Variants in RABGAP1L observed in about 807,000 individuals in gnomAD.
RABGAP1L encodes the protein RAB GTPase activating protein 1 like, also known as rab GTPase-activating protein 1-like.
A neutral mutation model predicts 137.7 loss-of-function variants in RABGAP1L; 63 were observed. The ratio of observed to expected loss-of-function variants is 0.46; its 90% CI spans 0.37 to 0.56. RABGAP1L has a LOEUF of 0.56. Ranked by LOEUF, RABGAP1L falls within the 20% of genes least tolerant of loss-of-function variation. The pLI is 0.00. For synonymous variants in RABGAP1L, 431 were observed against 433.7 expected, an observed-to-expected ratio of 0.99 and a Z score of 0.08; for missense variants, 1,095 against 1,244.0, an observed-to-expected ratio of 0.88 and a Z score of 1.80.
chr1:174,882,280 T>C (rs887331077), intron 19 of RABGAP1L, among the ~76,000 whole-genome samples: 5 of 152,336 alleles, frequency 3.3e-5, no homozygotes, highest in Admixed American at 6.5e-5. Context: ...TTGGACTTTG[T>C]TGCATAATGG....
chr1:174,797,719 T>G (rs1216340668), intron 18 of RABGAP1L, among the ~76,000 whole-genome samples: 2 of 144,162 alleles, frequency 1.4e-5, no homozygotes, highest in Non-Finnish European at 3.1e-5. Context: ...GTGTGGTGTG[T>G]GGTGTGTGGG....
chr1:174,548,098 G>A, intron 13 of RABGAP1L: 1 of 1,541,146 alleles, frequency 6.5e-7, no homozygotes, highest in Non-Finnish European at 8.8e-7. Flanking sequence ...TGCTTTCTTT[G>A]CATGGGAGGT....
chr1:174,726,425 A>G (rs1427577079), intron 17 of RABGAP1L, among the ~76,000 whole-genome samples: 1 of 151,836 alleles, frequency 6.6e-6, no homozygotes, highest in Non-Finnish European at 1.5e-5. Flanking sequence ...AAGACTTTTT[A>G]TAAATTAGGG....
At position 174,758,966 on chromosome 1, in the gene RABGAP1L, A is replaced by C. The variant is rs943641420; in HGVS notation, c.2211+6612A>C. On this transcript the variant is annotated intron_variant, in intron 18 of 25. Coordinates refer to ENST00000681986, the MANE Select transcript of RABGAP1L (RefSeq NM_001366446.1). ...TCAGTCACCAAGTCCTGTGGATTCTACTTCTTGAAAATTTTTAGAATCTTC... is the reference window on the plus strand; with the variant it reads ...TCAGTCACCAAGTCCTGTGGATTCTCCTTCTTGAAAATTTTTAGAATCTTC... 2.6e-5 allele frequency among the ~76,000 whole-genome samples: 4 copies of C among 152,232 alleles called. No individual in the cohort carries two copies. The East Asian group carries it at 7.7e-4, about 29-fold the overall frequency.
At chr1:174,675,030 T>C (rs1451914452) in intron 14 of RABGAP1L, among the ~76,000 whole-genome samples, 14 of 151,884 alleles carry the variant, frequency 9.2e-5, no homozygotes, top group African/African-American at 2.9e-4. Flanking sequence ...TTCTCCCATT[T>C]TGTAGGTTGC....
intron 13 of RABGAP1L, among the ~76,000 whole-genome samples, chr1:174,432,397 C>A (rs1009489024): frequency 1.3e-5 from 2 of 152,110 alleles, no homozygotes; most frequent in Non-Finnish European, 2.9e-5. Flanking sequence ...AAAAGCCCCC[C>A]ATTTATCTGG....
At chr1:174,434,092 C>T (rs757112479) in intron 13 of RABGAP1L, among the ~76,000 whole-genome samples, 98 of 146,798 alleles carry the variant, frequency 6.7e-4, no homozygotes, top group Non-Finnish European at 1.1e-3. Flanking sequence ...TGCACATGAG[C>T]GCATGCGTGT....
chr1:174,721,346 A>G (rs1681525348), intron 17 of RABGAP1L, among the ~76,000 whole-genome samples: 1 of 152,228 alleles, frequency 6.6e-6, no homozygotes, highest in Non-Finnish European at 1.5e-5. Flanking sequence ...ATAATAATTC[A>G]ACGTAATGAA....
Position 174,200,140 on chromosome 1 carries a change from T to C in RABGAP1L, c.-33-18985T>C, listed in dbSNP as rs190541530. ...GTCTTTTTCTTCCATGTTAGACAGA[T>C]AATGTACCAATGCTGTAGCAAGGTT... On this transcript the variant is annotated intron_variant, in intron 1 of 25. Transcript: ENST00000681986. Among the ~76,000 whole-genome samples, 14 of 152,330 alleles carry C rather than the reference T, an allele frequency of 9.2e-5. No homozygotes were observed. In the East Asian group the frequency reaches 2.3e-3, roughly 25 times the overall value.
intron 13 of RABGAP1L, among the ~76,000 whole-genome samples, chr1:174,503,610 G>A (rs1286906147): frequency 1.4e-4 from 19 of 140,660 alleles, no homozygotes; most frequent in Non-Finnish European, 4.5e-5. Flanking sequence ...GCTCTGAGCC[G>A]AGATTGCACC....
chr1:174,181,214 C>G (rs182280210), intron 1 of RABGAP1L, among the ~76,000 whole-genome samples: 44 of 152,130 alleles, frequency 2.9e-4, no homozygotes, highest in Middle Eastern at 3.4e-3. Context: ...CTGTATTGTC[C>G]AGGTTGGTCT....
chr1:174,647,086 A>C (rs1385555330), intron 14 of RABGAP1L, among the ~76,000 whole-genome samples: 1 of 152,180 alleles, frequency 6.6e-6, no homozygotes, highest in Non-Finnish European at 1.5e-5. Flanking sequence ...GAAGGTGCTT[A>C]GCAGCTTAAG....
At chr1:174,399,716 G>A (rs1269752806) in intron 13 of RABGAP1L, among the ~76,000 whole-genome samples, 1 of 152,064 alleles carries the variant, frequency 6.6e-6, no homozygotes, top group Admixed American at 6.6e-5. Context: ...TGGCGGAAAG[G>A]GAAGCTAACA....
intron 23 of RABGAP1L, among the ~76,000 whole-genome samples, chr1:174,980,906 TTTG>T (rs1671047433): frequency 7.0e-6 from 1 of 142,244 alleles, no homozygotes; most frequent in African/African-American, 2.6e-5. Flanking sequence ...GACAGTTTTT[TTTG>T]TTTTTTTTTT....
At chr1:174,301,524 T>C (rs1438447492) in intron 10 of RABGAP1L, among the ~76,000 whole-genome samples, 1 of 151,658 alleles carries the variant, frequency 6.6e-6, no homozygotes, top group African/African-American at 2.4e-5. Flanking sequence ...CAGCCTTCTG[T>C]GTACCCAGTT....
chr1:174,574,406 C>T (rs929890779), intron 13 of RABGAP1L, among the ~76,000 whole-genome samples: 4 of 152,024 alleles, frequency 2.6e-5, no homozygotes, highest in African/African-American at 4.8e-5. Flanking sequence ...TCTGAAGGCT[C>T]ATATCGATCT....
intron 13 of RABGAP1L, among the ~76,000 whole-genome samples, chr1:174,586,137 A>G (rs61826904): frequency 0.09 from 13,644 of 152,302 alleles, 831 homozygotes; most frequent in East Asian, 0.22. Flanking sequence ...ATGCCCATCA[A>G]TGATAGACTG....
At chr1:174,633,002 T>C (rs971239519) in intron 13 of RABGAP1L, among the ~76,000 whole-genome samples, 2 of 152,086 alleles carry the variant, frequency 1.3e-5, no homozygotes, top group African/African-American at 4.8e-5. Flanking sequence ...TTCTGTTCTG[T>C]TTTTTCCCCA....
intron 19 of RABGAP1L, among the ~76,000 whole-genome samples, chr1:174,885,470 T>G (rs1413196726): frequency 6.6e-6 from 1 of 152,142 alleles, no homozygotes; most frequent in Non-Finnish European, 1.5e-5. Flanking sequence ...TGATCCTCTC[T>G]CCTTAGCCTT....
Sources: allele counts gnomAD v4.1 joint callset (sites outside exome capture counted in the v4.1 genomes callset), GRCh38; gene constraint gnomAD v4.1.1; transcripts MANE v1.5; gene names NCBI Gene and HGNC (gene_info 2026-07-23, HGNC 2026-07-21).